The following ASIC2 variants were observed in gnomAD, a reference collection of about 807,000 sequenced individuals.
The protein encoded by ASIC2 is acid-sensing ion channel 2.
A neutral mutation model predicts 57.3 loss-of-function variants in ASIC2; 25 were observed. The ratio of observed to expected loss-of-function variants is 0.44; its 90% CI spans 0.32 to 0.61. The LOEUF (loss-of-function observed/expected upper bound fraction) is 0.61, where lower values mean the gene tolerates loss of function less well. ASIC2 is among the 20% of genes least tolerant of loss of function. The pLI, the probability that ASIC2 is intolerant of heterozygous loss-of-function variation, is 0.06. For synonymous variants in ASIC2, 319 were observed against 307.5 expected (o/e 1.04, Z -0.39); for missense variants, 641 against 738.1 (o/e 0.87, Z 1.52).
chr17:33,639,050 G>A (rs59795328), intron 1 of ASIC2, among the ~76,000 whole-genome samples: 1 of 151,556 alleles, frequency 6.6e-6, no homozygotes, highest in East Asian at 1.9e-4. Context: ...GGTTGTCACC[G>A]GTGTCTAATG....
chr17:33,030,005 A>G (rs1053833231), intron 3 of ASIC2, among the ~76,000 whole-genome samples: 1 of 152,140 alleles, frequency 6.6e-6, no homozygotes, highest in African/African-American at 2.4e-5. Context: ...AGTTGTTCAT[A>G]TATTCTGGAT....
At chr17:33,425,268 C>A (rs1054139559) in intron 1 of ASIC2, among the ~76,000 whole-genome samples, 5 of 152,056 alleles carry the variant, frequency 3.3e-5, no homozygotes, top group Non-Finnish European at 7.4e-5. Flanking sequence ...CACATAGAGA[C>A]CTTGAGAAAT....
At chr17:33,642,974 G>T (rs115447062) in intron 1 of ASIC2, among the ~76,000 whole-genome samples, 8,012 of 152,240 alleles carry the variant, frequency 0.053, 216 homozygotes, top group South Asian at 0.12. Context: ...GTTGACCAGG[G>T]TGGGTGCCCT....
intron 1 of ASIC2, among the ~76,000 whole-genome samples, chr17:33,528,647 A>G (rs1415150789): frequency 6.6e-6 from 1 of 152,186 alleles, no homozygotes; most frequent in Non-Finnish European, 1.5e-5. Flanking sequence ...CCAACTCAAA[A>G]AGGGAAGAAA....
chr17:33,077,173 C>T (rs924436789), intron 3 of ASIC2, among the ~76,000 whole-genome samples: 3 of 151,938 alleles, frequency 2.0e-5, no homozygotes, highest in Admixed American at 2.0e-4. Flanking sequence ...AGACCTTGGC[C>T]CAAGGCCATC....
chr17:33,354,645 A>G (rs1441631401), intron 1 of ASIC2, among the ~76,000 whole-genome samples: 1 of 151,146 alleles, frequency 6.6e-6, no homozygotes, highest in African/African-American at 2.4e-5. Context: ...CTCTTCCTCT[A>G]CTGGGAACAT....
intron 1 of ASIC2, among the ~76,000 whole-genome samples, chr17:33,772,424 T>C (rs1022859357): frequency 2.0e-5 from 3 of 152,214 alleles, no homozygotes; most frequent in Non-Finnish European, 4.4e-5. Flanking sequence ...TTTCCCTGTA[T>C]GTTTGGGTCT....
At chr17:33,176,826 A>G (rs1053933066) in intron 1 of ASIC2, among the ~76,000 whole-genome samples, 23 of 152,290 alleles carry the variant, frequency 1.5e-4, no homozygotes, top group South Asian at 6.2e-4. Context: ...CTGGGTCTGG[A>G]TGTCTCATCC....
chr17:33,422,783 C>T (rs1367090926), intron 1 of ASIC2, among the ~76,000 whole-genome samples: 1 of 152,168 alleles, frequency 6.6e-6, no homozygotes, highest in Non-Finnish European at 1.5e-5. Context: ...ATCTCCAGCC[C>T]AGACTCAACC....
chr17:33,119,242 A>G (rs1460778842), intron 1 of ASIC2, among the ~76,000 whole-genome samples: 5 of 152,142 alleles, frequency 3.3e-5, no homozygotes, highest in Non-Finnish European at 5.9e-5. Flanking sequence ...ATTACACGTG[A>G]AGGAAATGAA....
At chr17:33,895,417 C>T (rs1915071639) in intron 1 of ASIC2, among the ~76,000 whole-genome samples, 1 of 152,186 alleles carries the variant, frequency 6.6e-6, no homozygotes, top group Non-Finnish European at 1.5e-5. Flanking sequence ...CCCACCTCAG[C>T]CTCCCAAGGC....
chr17:33,516,209 G>A (rs1259153685), intron 1 of ASIC2, among the ~76,000 whole-genome samples: 1 of 152,190 alleles, frequency 6.6e-6, no homozygotes, highest in Non-Finnish European at 1.5e-5. Context: ...GCAGAGATGT[G>A]CTGAAAGATA....
At chr17:33,582,504 A>C (rs546405662) in intron 1 of ASIC2, among the ~76,000 whole-genome samples, 2 of 152,130 alleles carry the variant, frequency 1.3e-5, no homozygotes, top group East Asian at 3.9e-4. Flanking sequence ...TAGCTGTGTG[A>C]CCCTTGGGCA....
intron 1 of ASIC2, among the ~76,000 whole-genome samples, chr17:33,261,597 G>T (rs574368805): frequency 6.6e-6 from 1 of 152,308 alleles, no homozygotes; most frequent in South Asian, 2.1e-4. Context: ...CATAACAGCT[G>T]AGAGGCACAC....
At chr17:33,020,939 C>T (rs936535158) in intron 7 of ASIC2, among the ~76,000 whole-genome samples, 1 of 152,070 alleles carries the variant, frequency 6.6e-6, no homozygotes, top group African/African-American at 2.4e-5. Context: ...TAGAAAGGCC[C>T]AGAGAGACCT....
In ASIC2 at chr17:33,032,440, G is replaced by GTTTTTTTTTTTTTTTTTTTTTTT. The variant is rs60183644; in HGVS notation, c.988-4071_988-4049dup. 3.2e-5 allele frequency among the ~76,000 whole-genome samples: 3 copies of GTTTTTTTTTTTTTTTTTTTTTTT among 94,116 alleles called. 1 individual carries two copies. Among genetic ancestry groups the GTTTTTTTTTTTTTTTTTTTTTTT allele is most frequent in the African/African-American group, 9.4e-5 (2 of 21,322 alleles). 61.7% of individuals were successfully genotyped at this position (94,116 alleles called of 152,430 possible). A position where few individuals can be genotyped will look rare whatever the true frequency, so the allele number is the denominator to read the frequency against. On this transcript the variant is annotated intron_variant, in intron 3 of 9. Coordinates refer to ENST00000225823, the MANE Select transcript of ASIC2 (RefSeq NM_183377.2). ...TCTGTTATAAGCACTATAATACACT[G>GTTTTTTTTTTTTTTTTTTTTTTT]TTTTTTTTTTTTTTTTTTTTTTTTT...
intron 1 of ASIC2, among the ~76,000 whole-genome samples, chr17:33,257,002 G>A (rs1438316852): frequency 3.3e-5 from 5 of 152,196 alleles, no homozygotes. Context: ...CCTACAGCAG[G>A]TGCAGGTGCA....
chr17:33,721,003 A>T (rs35688014), intron 1 of ASIC2, among the ~76,000 whole-genome samples: 12,229 of 152,112 alleles, frequency 0.08, 1,490 homozygotes, highest in African/African-American at 0.26. Context: ...TCCATATAAA[A>T]CTCTAAGTGC....
intron 1 of ASIC2, among the ~76,000 whole-genome samples, chr17:33,624,448 C>T (rs1560918): frequency 0.52 from 79,462 of 152,052 alleles, 21,382 homozygotes; most frequent in African/African-American, 0.64. Context: ...GCAGGGAGGC[C>T]GTCCCAATTA....
Sources: allele counts gnomAD v4.1 joint callset (sites outside exome capture counted in the v4.1 genomes callset), GRCh38; gene constraint gnomAD v4.1.1; transcripts MANE v1.5; gene names NCBI Gene and HGNC (gene_info 2026-07-23, HGNC 2026-07-21).